Variants in SH3PXD2A observed in about 807,000 individuals in gnomAD.
SH3PXD2A encodes SH3 and PX domain-containing protein 2A.
A neutral mutation model predicts 115.2 loss-of-function variants in SH3PXD2A; 32 were observed. The ratio of observed to expected loss-of-function variants is 0.28; its 90% confidence interval spans 0.21 to 0.37. The LOEUF (loss-of-function observed/expected upper bound fraction) is 0.37. Ranked by LOEUF, SH3PXD2A falls within the 10% of genes least tolerant of loss-of-function variation. SH3PXD2A has a pLI of 1.00. For missense variants in SH3PXD2A, 1,328 were observed against 1,498.7 expected (o/e 0.89, Z 1.88); for synonymous variants, 610 against 629.1 (o/e 0.97, Z 0.45).
Position 103,855,274 on chromosome 10 carries a change from C to T in SH3PXD2A, c.-8G>A, listed in dbSNP as rs192134019. On this transcript the variant is annotated 5_prime_UTR_variant, in exon 1 of 15. Transcript: ENST00000369774. ...CACGCAGTAGGCGAGCATCTTCCCC[C>T]ACAAAGCGAGTGGCGCCCCCGGCGG... is the stretch of plus-strand genomic sequence containing the variant. 2.0e-6 allele frequency: 3 copies of T among 1,506,322 alleles called. No homozygotes were observed. The highest frequency in any genetic ancestry group is 2.2e-5 in the Admixed American group (1 of 45,244). The allele number at this position is 1,506,322 out of a possible 1,614,324, so 93.3% of individuals were successfully genotyped here.
At chr10:103,632,259 G>A (rs895922956) in intron 8 of SH3PXD2A, among the ~76,000 whole-genome samples, 2 of 152,178 alleles carry the variant, frequency 1.3e-5, no homozygotes, top group Admixed American at 1.3e-4. Context: ...AAAGAAAACG[G>A]TGCCTCTGCA....
chr10:103,844,104 G>T (rs1303589649), intron 1 of SH3PXD2A, among the ~76,000 whole-genome samples: 1 of 152,212 alleles, frequency 6.6e-6, no homozygotes, highest in Admixed American at 6.5e-5. Context: ...TGCAGACATT[G>T]TTCTATTACG....
Position 103,601,017 on chromosome 10 carries a change from C to CA in SH3PXD2A, c.*798_*799insT, listed in dbSNP as rs1564840249. 6.6e-6 allele frequency: 1 copy of CA among 152,262 alleles called. No homozygotes were observed. The highest frequency in any genetic ancestry group is 2.4e-5 in the African/African-American group (1 of 41,438). 9.4% of individuals were successfully genotyped at this position (152,262 alleles called of 1,614,324 possible). A position where few individuals can be genotyped will look rare whatever the true frequency, so the allele number is the denominator to read the frequency against. On this transcript the variant is annotated 3_prime_UTR_variant, in exon 15 of 15. Transcript: ENST00000369774. ...TCCCGAAACATGCAAAGGAACTGCC[C>CA]GCCCAGAAATACCCAAAATAGTCTG...
intron 3 of SH3PXD2A, among the ~76,000 whole-genome samples, chr10:103,737,496 T>G (rs1319543601): frequency 6.6e-6 from 1 of 151,920 alleles, no homozygotes; most frequent in South Asian, 2.1e-4. Context: ...CCAAGAAATA[T>G]CATTAGGGGA....
At chr10:103,785,503 C>T (rs919139208) in intron 2 of SH3PXD2A, among the ~76,000 whole-genome samples, 5 of 152,174 alleles carry the variant, frequency 3.3e-5, no homozygotes, top group Admixed American at 2.6e-4. Context: ...ATAGGGCCCC[C>T]GGGCACAGCA....
At chr10:103,824,642 ACTTCCTGTGG>A (rs1033338736) in intron 1 of SH3PXD2A, among the ~76,000 whole-genome samples, 1 of 151,960 alleles carries the variant, frequency 6.6e-6, no homozygotes, top group Non-Finnish European at 1.5e-5. Flanking sequence ...AACCAGCCCT[ACTTCCTGTGG>A]CTTCTGGTGA....
chr10:103,668,204 A>G (rs2037409605), intron 7 of SH3PXD2A, among the ~76,000 whole-genome samples: 1 of 152,244 alleles, frequency 6.6e-6, no homozygotes. Context: ...GAGACGGCCA[A>G]TTGAGATAAG....
Position 103,681,647 on chromosome 10 carries a change from G to A in SH3PXD2A, c.427+11381C>T, listed in dbSNP as rs565297383. Among the ~76,000 whole-genome samples, 10 of 152,348 alleles carry A rather than the reference G, an allele frequency of 6.6e-5. No individual in the cohort carries two copies. In the East Asian group the frequency reaches 1.7e-3, roughly 27 times the overall value. On this transcript the variant is annotated intron_variant, in intron 6 of 14. Coordinates refer to ENST00000369774, the MANE Select transcript of SH3PXD2A (RefSeq NM_001394015.1). ...TAGTCCCAGCTACTCAGGAGGCTGA[G>A]GCGGGAGAATCACTTGAACCCAAGA...
intron 7 of SH3PXD2A, among the ~76,000 whole-genome samples, chr10:103,663,571 A>G (rs138461584): frequency 0.017 from 2,635 of 152,402 alleles, 50 homozygotes; most frequent in South Asian, 0.055. Context: ...GCTGGGCTCC[A>G]GAGAGACAGG....
chr10:103,696,415 C>T (rs191181985), intron 5 of SH3PXD2A, among the ~76,000 whole-genome samples: 37 of 152,322 alleles, frequency 2.4e-4, no homozygotes, highest in Middle Eastern at 3.4e-3. Context: ...CCACTTCCCA[C>T]TGCCCTATAA....
At chr10:103,719,881 G>A (rs1451458967) in intron 5 of SH3PXD2A, among the ~76,000 whole-genome samples, 4 of 151,950 alleles carry the variant, frequency 2.6e-5, no homozygotes, top group Non-Finnish European at 5.9e-5. Flanking sequence ...CACCACGCCT[G>A]GCTAATTTTT....
At chr10:103,754,816 A>C (rs2038621152) in intron 3 of SH3PXD2A, 1 of 152,126 alleles carries the variant, frequency 6.6e-6, no homozygotes, top group South Asian at 2.1e-4. Flanking sequence ...TTGTCTCCCC[A>C]TGCACCTCTA....
chr10:103,618,546 C>T (rs1458051249), intron 10 of SH3PXD2A, among the ~76,000 whole-genome samples: 1 of 152,210 alleles, frequency 6.6e-6, no homozygotes, highest in African/African-American at 2.4e-5. Context: ...CTGGCCATGC[C>T]CTTCTGAAGG....
intron 3 of SH3PXD2A, among the ~76,000 whole-genome samples, chr10:103,739,476 G>A (rs1019480809): frequency 3.9e-5 from 6 of 152,010 alleles, no homozygotes; most frequent in African/African-American, 1.4e-4. Context: ...AGAGAGGGAG[G>A]GCCTGGAAGG....
At chr10:103,754,061 C>T (rs2038610975) in intron 3 of SH3PXD2A, 2 of 152,214 alleles carry the variant, frequency 1.3e-5, no homozygotes, top group African/African-American at 4.8e-5. Flanking sequence ...AGAAGAATTA[C>T]CTGGCCACCA....
intron 1 of SH3PXD2A, among the ~76,000 whole-genome samples, chr10:103,837,314 C>T (rs539958523): frequency 6.6e-6 from 1 of 152,296 alleles, no homozygotes; most frequent in South Asian, 2.1e-4. Flanking sequence ...GAGTCCCAGA[C>T]AGAGGTTTTC....
intron 5 of SH3PXD2A, among the ~76,000 whole-genome samples, chr10:103,696,085 G>A (rs2037821189): frequency 6.6e-6 from 1 of 152,218 alleles, no homozygotes; most frequent in Admixed American, 6.5e-5. Context: ...AGAAGGCAGA[G>A]CCCAGAGGGC....
chr10:103,804,965 G>A (rs926616658), intron 1 of SH3PXD2A, among the ~76,000 whole-genome samples: 1 of 152,098 alleles, frequency 6.6e-6, no homozygotes, highest in African/African-American at 2.4e-5. Flanking sequence ...CCCACACCAG[G>A]TGCTGTTTCT....
At chr10:103,633,727 CAAAAA>C (rs35917262) in intron 8 of SH3PXD2A, among the ~76,000 whole-genome samples, 19 of 74,348 alleles carry the variant, frequency 2.6e-4, no homozygotes, top group African/African-American at 9.4e-4. Flanking sequence ...GATTCTGTCT[CAAAAA>C]AAAAAAAAAA....
Sources: allele counts gnomAD v4.1 joint callset (sites outside exome capture counted in the v4.1 genomes callset), GRCh38; gene constraint gnomAD v4.1.1; transcripts MANE v1.5; gene names NCBI Gene and HGNC (gene_info 2026-07-23, HGNC 2026-07-21).